Variants in TCF20 observed in about 807,000 individuals in gnomAD.
The protein encoded by TCF20 is SPRE-binding protein.
TCF20 carries 3 observed loss-of-function variants against 148.6 expected under a neutral mutation model. The observed-to-expected ratio is 0.02, with a 90% CI of 0.01 to 0.05. TCF20 has a LOEUF of 0.05. Among genes scored for constraint, TCF20 ranks in the 10% least tolerant of loss-of-function variants. TCF20 has a pLI of 1.00. For synonymous variants in TCF20, 1,049 were observed against 909.5 expected (o/e 1.15, Z -2.76); for missense variants, 2,350 against 2,429.3 (o/e 0.97, Z 0.69).
Position 42,209,835 on chromosome 22 carries a change from G to A in TCF20, c.5471C>T (p.Ser1824Leu), listed in dbSNP as rs372854309. 20 of 1,614,046 alleles carry A rather than the reference G, an allele frequency of 1.2e-5. No homozygotes were observed. The highest frequency in any genetic ancestry group is 6.7e-5 in the African/African-American group (5 of 74,912). Residue 1824 changes from serine to leucine, a missense_variant, in exon 2 of 6, where the codon TCG (serine) becomes TTG (leucine). By Grantham distance (145) the Ser-to-Leu change is moderately radical. Around this residue, in one of 7 missense-constraint regions of TCF20, gnomAD observed 374 missense variants for 398.3 expected, o/e 0.94. Transcript: ENST00000677622. ...EGSSEKTVLDSKPSVPTTSEG... is the reference protein window; with the variant it reads ...EGSSEKTVLDLKPSVPTTSEG... ...TGAAGTGGTGGGCACGGAGGGCTTC[G>A]AGTCCAAAACAGTCTTTTCACTGCT...
intron 1 of TCF20, among the ~76,000 whole-genome samples, chr22:42,259,311 G>A (rs537114357): frequency 6.6e-6 from 1 of 152,190 alleles, no homozygotes; most frequent in Non-Finnish European, 1.5e-5. Context: ...TTAGGGGGCT[G>A]AGACCCAAGT....
rs181169865 is a variant in TCF20, at chr22:42,188,632, G to C, written c.5656-8930C>G. Among the ~76,000 whole-genome samples, 62 of 152,258 alleles carry C rather than the reference G, an allele frequency of 4.1e-4. 1 individual carries two copies. The highest frequency in any genetic ancestry group is 6.8e-4 in the Non-Finnish European group (46 of 68,024). Reference sequence around the variant, plus strand: ...GGCTGGTCTTTCCCCTTGACATGCAGGTTTCTCTAAAGGTTGTAAGACACT... The same window carrying C: ...GGCTGGTCTTTCCCCTTGACATGCACGTTTCTCTAAAGGTTGTAAGACACT... On this transcript the variant is annotated intron_variant, in intron 2 of 5. Transcript: ENST00000677622.
intron 5 of TCF20, among the ~76,000 whole-genome samples, chr22:42,162,646 G>A (rs1277244276): frequency 1.3e-5 from 2 of 152,176 alleles, no homozygotes; most frequent in Admixed American, 6.5e-5. Flanking sequence ...CTTGCTATCT[G>A]CCAATCACTG....
At chr22:42,177,867 C>G (rs1205328795) in intron 3 of TCF20, among the ~76,000 whole-genome samples, 2 of 151,842 alleles carry the variant, frequency 1.3e-5, no homozygotes, top group African/African-American at 4.8e-5. Context: ...CTCCTAAACC[C>G]TTGGAATTTC....
intron 1 of TCF20, among the ~76,000 whole-genome samples, chr22:42,307,691 T>C (rs980474529): frequency 2.0e-5 from 3 of 152,258 alleles, no homozygotes; most frequent in Non-Finnish European, 4.4e-5. Flanking sequence ...GAACACAAGA[T>C]AATGCAACCA....
chr22:42,285,881 C>T (rs546947368), upstream of TCF20, among the ~76,000 whole-genome samples: 1 of 152,298 alleles, frequency 6.6e-6, no homozygotes, highest in Admixed American at 6.5e-5. The surrounding 1 kb of genome is among the most constrained non-coding windows in gnomAD (Gnocchi z 4.2). Context: ...TCGACTTAGA[C>T]CTCACTTCCT....
Position 42,270,577 on chromosome 22 carries a change from G to T in TCF20, c.-275C>A, listed in dbSNP as rs1926558024. On this transcript the variant is annotated 5_prime_UTR_variant, in exon 1 of 6. Transcript: ENST00000677622. ...AGGGCGGGCTCCCCTGGCGGAGGCCGCGGCCGCCTCGCAGGGGCCGAAAGC... is the reference window on the plus strand; with the variant it reads ...AGGGCGGGCTCCCCTGGCGGAGGCCTCGGCCGCCTCGCAGGGGCCGAAAGC... 6.8e-6 allele frequency among the ~76,000 whole-genome samples: 1 copy of T among 146,026 alleles called. No individual in the cohort carries two copies. The highest frequency in any genetic ancestry group is 6.8e-5 in the Admixed American group (1 of 14,740).
intron 3 of TCF20, among the ~76,000 whole-genome samples, chr22:42,176,060 T>G (rs1184139441): frequency 6.6e-6 from 1 of 151,984 alleles, no homozygotes; most frequent in Admixed American, 6.6e-5. Flanking sequence ...CCTCCGAAAG[T>G]GCTGGGATTA....
Position 42,209,904 on chromosome 22 carries a change from G to A in TCF20, c.5402C>T (p.Ser1801Phe). ...RSEDCGGGPR[S>F]LSRGLPCKKA... is the part of the protein sequence containing the mutation. ...TTTACAAGGGAGCCCCCTGGACAGGGACCGAGGGCCTCCACCACAGTCTTC... is the reference window on the plus strand; with the variant it reads ...TTTACAAGGGAGCCCCCTGGACAGGAACCGAGGGCCTCCACCACAGTCTTC... Residue 1801 changes from serine (S) to phenylalanine (F), a missense_variant, in exon 2 of 6, where the codon TCC (serine) becomes TTC (phenylalanine). Ser to Phe is a radical substitution (Grantham distance 155). Transcript: ENST00000677622. The A allele has an allele frequency of 6.2e-7, 1 of 1,614,188 alleles. No individual in the cohort carries two copies. Among genetic ancestry groups the A allele is most frequent in the Non-Finnish European group, 8.5e-7 (1 of 1,180,046 alleles).
At chr22:42,253,651 A>G (rs1569188272) in intron 1 of TCF20, among the ~76,000 whole-genome samples, 1 of 152,160 alleles carries the variant, frequency 6.6e-6, no homozygotes. Context: ...AAGCAAGTTG[A>G]TTTTTTAAAA....
At position 42,160,679 on chromosome 22, in the gene TCF20, T is replaced by A. The variant is rs1211598992; in HGVS notation, c.*724A>T. 6.6e-6 allele frequency: 1 copy of A among 151,790 alleles called. No homozygotes were observed. The highest frequency in any genetic ancestry group is 1.5e-5 in the Non-Finnish European group (1 of 67,860). The allele number at this position is 151,790 out of a possible 1,614,324, so 9.4% of individuals were successfully genotyped here. A position where few individuals can be genotyped will look rare whatever the true frequency, so the allele number is the denominator to read the frequency against. ...CATAAATAAATAGTGTTTCTGGAAA[T>A]GAAAAAAAATTTATTTTTGTGTTTA... is the stretch of plus-strand genomic sequence containing the variant. On this transcript the variant is annotated 3_prime_UTR_variant, in exon 6 of 6. Coordinates refer to ENST00000677622, the MANE Select transcript of TCF20 (RefSeq NM_001378418.1).
intron 2 of TCF20, among the ~76,000 whole-genome samples, chr22:42,192,900 T>C (rs766867995): frequency 1.1e-4 from 17 of 152,314 alleles, no homozygotes; most frequent in African/African-American, 2.2e-4. Context: ...GAATTGATTT[T>C]TGCATTTCTC....
chr22:42,195,559 G>A (rs1026394899), intron 2 of TCF20, among the ~76,000 whole-genome samples: 1 of 147,648 alleles, frequency 6.8e-6, no homozygotes, highest in Non-Finnish European at 1.5e-5. Flanking sequence ...GGAGTGCAAT[G>A]GCGCGATCTC....
At chr22:42,245,324 T>C (rs569736429) in intron 1 of TCF20, among the ~76,000 whole-genome samples, 1 of 152,176 alleles carries the variant, frequency 6.6e-6, no homozygotes, top group Non-Finnish European at 1.5e-5. Flanking sequence ...GTTCAAGTGA[T>C]CCTCCCACCT....
intron 3 of TCF20, among the ~76,000 whole-genome samples, chr22:42,172,311 T>G (rs1212450708): frequency 2.6e-5 from 4 of 151,540 alleles, no homozygotes; most frequent in Admixed American, 2.6e-4. Context: ...GAGGGAAGAG[T>G]GAAGAGCAGT....
In TCF20 at chr22:42,338,207, C is replaced by T. The variant is rs190469841; in HGVS notation, c.-37+5272G>A. Among the ~76,000 whole-genome samples the T allele has an allele frequency of 3.3e-3, 504 of 152,332 alleles. 4 individuals carry two copies. Among genetic ancestry groups the T allele is most frequent in the Non-Finnish European group, 4.3e-3 (290 of 68,022 alleles). The stretch of plus-strand genomic sequence containing the variant: ...TCACGGTTCTGCAGCATGAGAAATC[C>T]CCTCGCAGCTGGGTCCCCAGTGCCC... On this transcript the variant is annotated intron_variant, in intron 1 of 1. Coordinates refer to the TCF20 transcript ENST00000515426. The surrounding 1 kb of genome is among the most constrained non-coding windows in gnomAD (Gnocchi z 4.0).
rs754279263 is a variant in TCF20, at chr22:42,214,566, A to AAGG, written c.737_739dup (p.Ser246dup). The stretch of plus-strand genomic sequence containing the variant: ...CTGGCTAAAACGCTGTGGTGAAGGG[A>AAGG]AGGAGGAGGAGGAGGAGGAGGAAGC... On this transcript the variant is annotated inframe_insertion, in exon 2 of 6. Coordinates refer to ENST00000677622, the MANE Select transcript of TCF20 (RefSeq NM_001378418.1). 1.8e-4 allele frequency: 295 copies of AAGG among 1,613,574 alleles called. No individual in the cohort carries two copies. Among genetic ancestry groups the AAGG allele is most frequent in the Middle Eastern group, 4.9e-4 (3 of 6,062 alleles).
chr22:42,177,767 A>G (rs1343249669), intron 3 of TCF20, among the ~76,000 whole-genome samples: 1 of 152,212 alleles, frequency 6.6e-6, no homozygotes, highest in East Asian at 1.9e-4. Flanking sequence ...CAGACCTCCT[A>G]AAACCCGTGT....
At chr22:42,255,536 A>C (rs1207743210) in intron 1 of TCF20, among the ~76,000 whole-genome samples, 3 of 151,956 alleles carry the variant, frequency 2.0e-5, no homozygotes, top group Non-Finnish European at 4.4e-5. Flanking sequence ...ACAAAACCAC[A>C]TTATTTATTG....
Sources: gnomAD v4.1 joint callset for allele counts (sites outside exome capture counted in the v4.1 genomes callset) on GRCh38, gnomAD v4.1.1 for gene constraint, gnomAD v4.1.1 regional missense constraint, Gnocchi (gnomAD v3.1) non-coding constraint, MANE v1.5 for transcripts, NCBI Gene and HGNC (gene_info 2026-07-23, HGNC 2026-07-21) for gene names.